CTNNA3: variants seen among roughly 807,000 people sequenced by gnomAD.
CTNNA3 encodes the protein catenin alpha-3.
Under a neutral mutation model 95.7 loss-of-function variants are expected in CTNNA3, and 76 were observed. That is an observed-to-expected ratio of 0.79 (90% CI 0.66 to 0.96). CTNNA3 has a LOEUF of 0.96. Among genes scored for constraint, CTNNA3 ranks in the 40% least tolerant of loss-of-function variants. The pLI is 0.00. For synonymous variants in CTNNA3, 431 were observed against 374.4 expected (o/e 1.15, Z -1.74); for missense variants, 1,191 against 1,089.8 (o/e 1.09, Z -1.31).
At chr10:66,432,567 A>G (rs530746030) in intron 11 of CTNNA3, among the ~76,000 whole-genome samples, 1 of 151,876 alleles carries the variant, frequency 6.6e-6, no homozygotes, top group South Asian at 2.1e-4. Context: ...AGGCTGAGGA[A>G]GGAGAATGGC....
At chr10:66,345,703 G>A (rs1166763730) in intron 12 of CTNNA3, among the ~76,000 whole-genome samples, 1 of 152,008 alleles carries the variant, frequency 6.6e-6, no homozygotes, top group African/African-American at 2.4e-5. Context: ...AATAATTTTT[G>A]AAAAGTCCCT....
rs566603071 is a variant in CTNNA3 at position 66,561,401 on chromosome 10, T to C, written c.1375-40628A>G. Reference sequence around the variant, plus strand: ...CAGACACTATACTTAGTACCTTACATATATTGTCTTAATTAATGCTCACAG... The same window carrying C: ...CAGACACTATACTTAGTACCTTACACATATTGTCTTAATTAATGCTCACAG... On this transcript the variant is annotated intron_variant, in intron 10 of 17. Coordinates refer to ENST00000433211, the MANE Select transcript of CTNNA3 (RefSeq NM_013266.4). 1.2e-3 allele frequency among the ~76,000 whole-genome samples: 187 copies of C among 152,268 alleles called. 1 individual carries two copies. Among genetic ancestry groups the C allele is most frequent in the African/African-American group, 4.2e-3 (176 of 41,564 alleles).
At chr10:67,072,454 T>C (rs965939585) in intron 7 of CTNNA3, among the ~76,000 whole-genome samples, 1 of 152,218 alleles carries the variant, frequency 6.6e-6, no homozygotes, top group African/African-American at 2.4e-5. Context: ...TTTTATTGTA[T>C]GATAGAAATT....
At chr10:65,988,437 T>C (rs2133324883) in intron 16 of CTNNA3, among the ~76,000 whole-genome samples, 1 of 152,224 alleles carries the variant, frequency 6.6e-6, no homozygotes, top group East Asian at 1.9e-4. Context: ...ATTAATTGAG[T>C]ATATTTGATG....
chr10:66,023,179 T>C (rs1181964974), intron 15 of CTNNA3, among the ~76,000 whole-genome samples: 1 of 152,168 alleles, frequency 6.6e-6, no homozygotes, highest in Non-Finnish European at 1.5e-5. Context: ...TCACTACCTA[T>C]TTTCCATGTT....
chr10:66,214,567 T>C (rs148806534), intron 13 of CTNNA3, among the ~76,000 whole-genome samples: 1 of 152,202 alleles, frequency 6.6e-6, no homozygotes, highest in African/African-American at 2.4e-5. Flanking sequence ...GACAGCTATT[T>C]GGTTAGAGCA....
intron 5 of CTNNA3, among the ~76,000 whole-genome samples, chr10:67,309,581 T>C (rs1458420027): frequency 6.6e-6 from 1 of 152,194 alleles, no homozygotes; most frequent in African/African-American, 2.4e-5. Flanking sequence ...TGTACATGTG[T>C]GTTTGTGTGC....
At chr10:66,949,628 G>T (rs1388195698) in intron 7 of CTNNA3, among the ~76,000 whole-genome samples, 1 of 151,696 alleles carries the variant, frequency 6.6e-6, no homozygotes, top group African/African-American at 2.4e-5. Flanking sequence ...AAAACATCCA[G>T]TCTGCAGTGA....
chr10:66,660,633 T>C (rs1846229950), intron 9 of CTNNA3, among the ~76,000 whole-genome samples: 1 of 152,198 alleles, frequency 6.6e-6, no homozygotes. Flanking sequence ...GTATGCTTTT[T>C]GCCCAGGAAT....
chr10:67,000,181 G>A (rs900538516), intron 7 of CTNNA3, among the ~76,000 whole-genome samples: 2 of 152,136 alleles, frequency 1.3e-5, no homozygotes, highest in Admixed American at 6.5e-5. Context: ...TTTTAAGATT[G>A]CTATATGAGC....
intron 3 of CTNNA3, among the ~76,000 whole-genome samples, chr10:67,570,766 C>T (rs2133288310): frequency 6.6e-6 from 1 of 152,270 alleles, no homozygotes; most frequent in Non-Finnish European, 1.5e-5. Context: ...AATACTGTTT[C>T]CTTGACTAAT....
At chr10:67,500,483 C>G (rs1316878020) in intron 5 of CTNNA3, among the ~76,000 whole-genome samples, 1 of 152,148 alleles carries the variant, frequency 6.6e-6, no homozygotes, top group Non-Finnish European at 1.5e-5. Context: ...CCTGAACATC[C>G]TTGTTAATTT....
intron 7 of CTNNA3, among the ~76,000 whole-genome samples, chr10:67,040,225 T>C (rs900607440): frequency 6.6e-6 from 1 of 152,164 alleles, no homozygotes; most frequent in African/African-American, 2.4e-5. Flanking sequence ...CTCTGTGAAC[T>C]TGACATTTGC....
chr10:67,513,720 G>T (rs1839714889), intron 5 of CTNNA3, among the ~76,000 whole-genome samples: 1 of 152,184 alleles, frequency 6.6e-6, no homozygotes, highest in African/African-American at 2.4e-5. Flanking sequence ...GAACCCCAGT[G>T]AAATAAACTG....
At chr10:66,340,280 C>T (rs1209856706) in intron 12 of CTNNA3, among the ~76,000 whole-genome samples, 1 of 151,768 alleles carries the variant, frequency 6.6e-6, no homozygotes, top group Non-Finnish European at 1.5e-5. Flanking sequence ...AACTCTACTA[C>T]TGAATTTTTC....
chr10:66,676,922 A>T (rs916879910), intron 9 of CTNNA3, among the ~76,000 whole-genome samples: 1 of 152,088 alleles, frequency 6.6e-6, no homozygotes, highest in African/African-American at 2.4e-5. Flanking sequence ...TCTCCCTCAA[A>T]GTCTCATGGC....
intron 7 of CTNNA3, among the ~76,000 whole-genome samples, chr10:66,895,839 A>C (rs1053506599): frequency 1.4e-5 from 2 of 148,014 alleles, no homozygotes; most frequent in Non-Finnish European, 3.0e-5. Flanking sequence ...GCACTTTGGG[A>C]GGCCAAGGTG....
intron 5 of CTNNA3, among the ~76,000 whole-genome samples, chr10:67,285,159 T>C (rs943470076): frequency 8.5e-5 from 13 of 152,204 alleles, no homozygotes; most frequent in African/African-American, 2.9e-4. Context: ...TTTTAGACAT[T>C]AGAAGTTTTA....
chr10:67,311,795 T>C lies in CTNNA3; in HGVS notation c.580-91925A>G, dbSNP rs191449954. On this transcript the variant is annotated intron_variant, in intron 5 of 17. Transcript: ENST00000433211. The stretch of plus-strand genomic sequence containing the variant: ...ACTATCCCATAATCTTTAGGAACAA[T>C]GTGTTCTAGAAGAGTAAATTTTATT... Among the ~76,000 whole-genome samples, 443 of 152,278 alleles carry C rather than the reference T, an allele frequency of 2.9e-3. 3 individuals carry two copies. Among genetic ancestry groups the C allele is most frequent in the African/African-American group, 9.6e-3 (400 of 41,554 alleles).
Sources: allele counts gnomAD v4.1 joint callset (sites outside exome capture counted in the v4.1 genomes callset), GRCh38; gene constraint gnomAD v4.1.1; transcripts MANE v1.5; gene names NCBI Gene and HGNC (gene_info 2026-07-23, HGNC 2026-07-21).